The following PDE10A variants were observed in gnomAD, a reference collection of about 807,000 sequenced individuals.
PDE10A encodes the protein cAMP and cAMP-inhibited cGMP 3',5'-cyclic phosphodiesterase 10A.
In PDE10A, 39 loss-of-function variants were observed where a neutral mutation model predicts 97.7. The ratio of observed to expected loss-of-function variants is 0.40; its 90% CI spans 0.31 to 0.52. The LOEUF is 0.52. Ranked by LOEUF, PDE10A falls within the 20% of genes least tolerant of loss-of-function variation. The pLI, the probability that PDE10A is intolerant of heterozygous loss-of-function variation, is 0.56. For synonymous variants in PDE10A, 371 were observed against 376.8 expected, an observed-to-expected ratio of 0.98 and a Z score of 0.18; for missense variants, 731 against 1,047.8, an observed-to-expected ratio of 0.70 and a Z score of 4.17.
At chr6:165,720,274 A>AT (rs1294250358) in intron 1 of PDE10A, among the ~76,000 whole-genome samples, 2 of 152,082 alleles carry the variant, frequency 1.3e-5, no homozygotes, top group Admixed American at 1.3e-4. Context: ...ACTTTGAGGT[A>AT]TTTTTTGAGG....
At chr6:165,518,939 T>C (rs993229121) in intron 2 of PDE10A, among the ~76,000 whole-genome samples, 3 of 152,130 alleles carry the variant, frequency 2.0e-5, no homozygotes, top group African/African-American at 4.8e-5. Flanking sequence ...GTTTCAGGCA[T>C]CCACTGGGGT....
chr6:165,823,512 A>ATGAACCTTAAT (rs1244371160), intron 1 of PDE10A, among the ~76,000 whole-genome samples: 11 of 126,558 alleles, frequency 8.7e-5, no homozygotes, highest in Middle Eastern at 4.0e-3. Flanking sequence ...ATATATATAT[A>ATGAACCTTAAT]TATATATATA....
At chr6:165,585,438 T>C (rs367837307) in intron 1 of PDE10A, among the ~76,000 whole-genome samples, 5 of 152,300 alleles carry the variant, frequency 3.3e-5, no homozygotes, top group African/African-American at 1.2e-4. Context: ...TTAAGGAAAT[T>C]ATCCTTGATA....
In PDE10A at chr6:165,388,650, G is replaced by T. The variant is rs1010665121; in HGVS notation, c.2455-197C>A. Among the ~76,000 whole-genome samples, 1 of 152,098 alleles carries T rather than the reference G, an allele frequency of 6.6e-6. No homozygotes were observed. Among genetic ancestry groups the T allele is most frequent in the Non-Finnish European group, 1.5e-5 (1 of 68,026 alleles). ...TCCAGATAATCTAACTCATTTGTAG[G>T]CCCTTTCTTTGTTTCTCTGCTTAGG... On this transcript the variant is annotated intron_variant, in intron 16 of 21. Transcript: ENST00000539869. This position sits in a 1 kb window ranked among gnomAD's most constrained non-coding sequence, Gnocchi z 4.0.
intron 1 of PDE10A, chr6:165,949,023 G>C (rs1341347675): frequency 6.6e-6 from 1 of 152,216 alleles, no homozygotes; most frequent in African/African-American, 2.4e-5. Context: ...ACAGGAAATG[G>C]CCCTGGTAAA....
At chr6:165,365,961 G>A (rs567231568) in intron 18 of PDE10A, among the ~76,000 whole-genome samples, 2 of 152,006 alleles carry the variant, frequency 1.3e-5, no homozygotes, top group South Asian at 4.1e-4. Context: ...TATTTCCTCA[G>A]CCTATTAAAG....
chr6:165,421,059 T>G (rs2128231997), intron 10 of PDE10A, among the ~76,000 whole-genome samples: 1 of 152,318 alleles, frequency 6.6e-6, no homozygotes, highest in Admixed American at 6.5e-5. Context: ...TTCTGAACTG[T>G]CCAGTAGCAT....
At chr6:165,779,388 A>AT (rs1562732826) in intron 1 of PDE10A, among the ~76,000 whole-genome samples, 3 of 152,074 alleles carry the variant, frequency 2.0e-5, no homozygotes, top group Admixed American at 6.5e-5. Flanking sequence ...AATAAAGGTC[A>AT]TTTTTTTCTA....
chr6:165,544,820 AAC>A (rs35620564), intron 1 of PDE10A, among the ~76,000 whole-genome samples: 61 of 149,974 alleles, frequency 4.1e-4, no homozygotes, highest in South Asian at 2.3e-3. Context: ...AGTCAATTTA[AAC>A]ACACACACAC....
At chr6:165,556,097 C>T (rs1784238408) in intron 1 of PDE10A, among the ~76,000 whole-genome samples, 1 of 152,120 alleles carries the variant, frequency 6.6e-6, no homozygotes, top group Non-Finnish European at 1.5e-5. Flanking sequence ...TGTTAATAAA[C>T]TTATGTTATT....
chr6:165,438,644 A>G (rs774040475), intron 5 of PDE10A, among the ~76,000 whole-genome samples: 7 of 152,224 alleles, frequency 4.6e-5, no homozygotes, highest in Non-Finnish European at 7.3e-5. Flanking sequence ...TTTCAAAATA[A>G]TCATGATTTA....
rs1374712332 is a variant in PDE10A, at chr6:165,603,666, T to C, written c.865+58281A>G. ...CAGTGAGGACTCTGGGGAGGGCCCA[T>C]GCTCTGTGTCCTATGCGCAGAGCGA... On this transcript the variant is annotated intron_variant, in intron 1 of 21. Transcript: ENST00000539869. 3.9e-5 allele frequency among the ~76,000 whole-genome samples: 6 copies of C among 152,256 alleles called. No homozygotes were observed. The East Asian group carries it at 1.2e-3, about 29-fold the overall frequency.
At chr6:165,602,302 C>G (rs890217258) in intron 1 of PDE10A, among the ~76,000 whole-genome samples, 1 of 152,170 alleles carries the variant, frequency 6.6e-6, no homozygotes, top group African/African-American at 2.4e-5. Context: ...TTTCTCATGC[C>G]TCTTTCTCAA....
chr6:165,585,035 C>T (rs1042523192), intron 1 of PDE10A, among the ~76,000 whole-genome samples: 2 of 152,208 alleles, frequency 1.3e-5, no homozygotes, highest in African/African-American at 4.8e-5. Flanking sequence ...TCTTTGCATT[C>T]TTCCTGCTCT....
intron 1 of PDE10A, among the ~76,000 whole-genome samples, chr6:165,638,676 C>G (rs1788991212): frequency 6.6e-6 from 1 of 152,154 alleles, no homozygotes; most frequent in Non-Finnish European, 1.5e-5. Context: ...AAAATATATA[C>G]TAACCAAAAC....
At chr6:165,695,209 CAA>C (rs71029559) in intron 1 of PDE10A, among the ~76,000 whole-genome samples, 5 of 123,572 alleles carry the variant, frequency 4.0e-5, no homozygotes, top group Non-Finnish European at 6.8e-5. Flanking sequence ...TGAAAACTAC[CAA>C]AAAAAAAAAA....
At chr6:165,535,469 T>C (rs927805453) in intron 2 of PDE10A, among the ~76,000 whole-genome samples, 1 of 151,968 alleles carries the variant, frequency 6.6e-6, no homozygotes, top group African/African-American at 2.4e-5. Flanking sequence ...AGTGAGAACA[T>C]ACAATATGTG....
chr6:165,899,326 C>T (rs1467095320), intron 1 of PDE10A, among the ~76,000 whole-genome samples: 1 of 152,218 alleles, frequency 6.6e-6, no homozygotes, highest in East Asian at 1.9e-4. Flanking sequence ...GATCATGGTA[C>T]TCTTTCCCAC....
At chr6:165,339,450 T>G in intron 19 of PDE10A, 92 bp from the exon 20 acceptor site, 1 of 822,574 alleles carries the variant, frequency 1.2e-6, no homozygotes, top group East Asian at 2.5e-5. Flanking sequence ...ATTCCTTAAT[T>G]TTCTTCAAAA....
Sources: allele counts gnomAD v4.1 joint callset (sites outside exome capture counted in the v4.1 genomes callset), GRCh38; gene constraint gnomAD v4.1.1; non-coding constraint Gnocchi (gnomAD v3.1); transcripts MANE v1.5; gene names NCBI Gene and HGNC (gene_info 2026-07-23, HGNC 2026-07-21).